SLCO4C1: variants seen among roughly 807,000 people sequenced by gnomAD.
SLCO4C1 encodes organic anion transporter M1.
SLCO4C1 carries 58 observed loss-of-function variants against 72.1 expected under a neutral mutation model. The ratio of observed to expected loss-of-function variants is 0.80; its 90% CI spans 0.65 to 1.00. The LOEUF (loss-of-function observed/expected upper bound fraction) is 1.00, where lower values mean the gene tolerates loss of function less well. Among genes scored for constraint, SLCO4C1 ranks in the 50% least tolerant of loss-of-function variants. The probability of loss-of-function intolerance (pLI) is 0.00; values close to 1 mark genes in which losing one functional copy is unlikely to be tolerated. For missense variants in SLCO4C1, 898 were observed against 857.9 expected, an observed-to-expected ratio of 1.05 and a Z score of -0.58; for synonymous variants, 297 against 312.5, an observed-to-expected ratio of 0.95 and a Z score of 0.52.
intron 12 of SLCO4C1, among the ~76,000 whole-genome samples, chr5:102,237,525 T>C (rs1464992691): frequency 6.6e-6 from 1 of 151,954 alleles, no homozygotes; most frequent in African/African-American, 2.4e-5. Context: ...CGTGAGAGGA[T>C]CGCTTCACCC....
chr5:102,236,945 G>A lies in SLCO4C1; in HGVS notation c.2088C>T (p.Ala696=). Residue 696 remains alanine, a synonymous_variant, in exon 13 of 13, where the codon GCC becomes GCT. Transcript: ENST00000310954. ...TCTCTTTATGAAATGACACATCTGT[G>A]GCTGATGGAGGTGGTTTATACAAAA... The part of the protein sequence containing the change: ...AIFLYKPPPS[A]TDVSFHKENA... 6.2e-7 allele frequency: 1 copy of A among 1,612,580 alleles called. No homozygotes were observed. Among genetic ancestry groups the A allele is most frequent in the South Asian group, 1.1e-5 (1 of 90,876 alleles).
rs7713888 is a variant in SLCO4C1, at chr5:102,257,403, T to G, written c.1274-93A>C. 4.1e-6 allele frequency: 4 copies of G among 968,516 alleles called. No individual in the cohort carries two copies. In the African/African-American group the frequency reaches 6.8e-5, roughly 16 times the overall value. The allele number at this position is 968,516 out of a possible 1,614,324, so 60.0% of individuals were successfully genotyped here. ...AAAACATCAAAAACAAGTGTCAATATGGTTTTAACTTATATTTATTCACCT... is the reference window on the plus strand; with the variant it reads ...AAAACATCAAAAACAAGTGTCAATAGGGTTTTAACTTATATTTATTCACCT... On this transcript the variant is annotated intron_variant, in intron 7 of 12. Coordinates refer to ENST00000310954, the MANE Select transcript of SLCO4C1 (RefSeq NM_180991.5).
chr5:102,264,672 G>A (rs1373171830), intron 3 of SLCO4C1, among the ~76,000 whole-genome samples: 1 of 150,420 alleles, frequency 6.6e-6, no homozygotes, highest in Non-Finnish European at 1.5e-5. Flanking sequence ...TATACAATGA[G>A]TAATGGTTAA....
intron 3 of SLCO4C1, among the ~76,000 whole-genome samples, chr5:102,266,801 C>T (rs1580255188): frequency 6.6e-6 from 1 of 152,008 alleles, no homozygotes; most frequent in African/African-American, 2.4e-5. Flanking sequence ...ATGTACGTTC[C>T]TTTTATACCT....
intron 3 of SLCO4C1, among the ~76,000 whole-genome samples, chr5:102,270,045 T>C (rs1240045700): frequency 6.6e-6 from 1 of 151,930 alleles, no homozygotes; most frequent in South Asian, 2.1e-4. Flanking sequence ...TGGTAATGAA[T>C]CTCCTATGTT....
intron 6 of SLCO4C1, 34 bp from the exon 7 acceptor site, chr5:102,258,121 G>T: frequency 6.7e-7 from 1 of 1,495,030 alleles, no homozygotes; most frequent in Non-Finnish European, 8.9e-7. Context: ...CAAATGAATA[G>T]CTATGATTGT....
chr5:102,296,050 G>A lies in SLCO4C1; in HGVS notation c.213C>T (p.Ser71=), dbSNP rs2112412085. 1 of 1,614,216 alleles carries A rather than the reference G, an allele frequency of 6.2e-7. No homozygotes were observed. The highest frequency in any genetic ancestry group is 8.5e-7 in the Non-Finnish European group (1 of 1,180,046). The change falls in exon 1 of 13, where the codon TCC becomes TCT. Residue 71 remains serine, a synonymous_variant. Coordinates refer to ENST00000310954, the MANE Select transcript of SLCO4C1 (RefSeq NM_180991.5). ...GCGACAGTGACCGGAGCTTCTCTTC[G>A]GAGACATTGGGAGGGGCTGAAGGCA... ...PSLPSAPPNV[S]EEKLRSLSLS... is the part of the protein sequence containing the mutation.
At chr5:102,275,407 T>C (rs1749230637) in intron 2 of SLCO4C1, among the ~76,000 whole-genome samples, 1 of 152,124 alleles carries the variant, frequency 6.6e-6, no homozygotes, top group Non-Finnish European at 1.5e-5. Context: ...GAAAGAAAAC[T>C]AAAATCATAG....
chr5:102,234,712 G>A lies in SLCO4C1; in HGVS notation c.*2146C>T, dbSNP rs1580231583. 6.6e-6 allele frequency: 1 copy of A among 152,136 alleles called. No homozygotes were observed. The highest frequency in any genetic ancestry group is 1.9e-4 in the East Asian group (1 of 5,184). The allele number at this position is 152,136 out of a possible 1,614,324, so 9.4% of individuals were successfully genotyped here. A position where few individuals can be genotyped will look rare whatever the true frequency, so the allele number is the denominator to read the frequency against. On this transcript the variant is annotated 3_prime_UTR_variant, in exon 13 of 13. Coordinates refer to ENST00000310954, the MANE Select transcript of SLCO4C1 (RefSeq NM_180991.5). ...TGCCATTTCACATCTCCATCAGTGA[G>A]TTCCTCAGGATTTGCCTTTATGTTA... is the stretch of plus-strand genomic sequence containing the variant.
chr5:102,258,085 ATTCT>A lies in SLCO4C1; in HGVS notation c.1129-2_1130del, dbSNP rs1328813047. On this transcript the variant is annotated splice_acceptor_variant and coding_sequence_variant, in exon 7 of 13. Transcript: ENST00000310954. LOFTEE classifies it high-confidence loss of function. ...ACATAAAGACAGCATTCTTCATCAAATTCTAAAGAAAAAAATACAGTTCCTCAAA... is the reference window on the plus strand; with the variant it reads ...ACATAAAGACAGCATTCTTCATCAAAAAAGAAAAAAATACAGTTCCTCAAA... The A allele has an allele frequency of 4.5e-6, 7 of 1,539,460 alleles. No individual in the cohort carries two copies. In the Admixed American group the frequency reaches 6.8e-5, roughly 15 times the overall value.
chr5:102,280,176 C>T (rs530697316), intron 2 of SLCO4C1, among the ~76,000 whole-genome samples: 1 of 147,376 alleles, frequency 6.8e-6, no homozygotes, highest in Non-Finnish European at 1.5e-5. Flanking sequence ...TTCCTATGTG[C>T]AGAAAACATG....
At chr5:102,245,502 A>G (rs972283724) in intron 10 of SLCO4C1, among the ~76,000 whole-genome samples, 19 of 152,118 alleles carry the variant, frequency 1.2e-4, no homozygotes, top group African/African-American at 4.1e-4. Flanking sequence ...AACAATTTTA[A>G]ATATATATGT....
chr5:102,265,392 C>A (rs1174190247), intron 3 of SLCO4C1, among the ~76,000 whole-genome samples: 2 of 152,094 alleles, frequency 1.3e-5, no homozygotes, highest in Non-Finnish European at 2.9e-5. Flanking sequence ...TAATCTTTGC[C>A]TGGAACAATG....
At chr5:102,274,055 CACG>C (rs753996292) in intron 2 of SLCO4C1, among the ~76,000 whole-genome samples, 6 of 152,034 alleles carry the variant, frequency 3.9e-5, no homozygotes, top group Non-Finnish European at 7.4e-5. Flanking sequence ...ATAGCATTTA[CACG>C]ACATTAGCTA....
At position 102,249,848 on chromosome 5, in the gene SLCO4C1, C is replaced by A. The variant is rs946655734; in HGVS notation, c.1470-60G>T. The A allele has an allele frequency of 1.5e-5, 23 of 1,541,706 alleles. No individual in the cohort carries two copies. The Admixed American group carries it at 2.2e-4, about 15-fold the overall frequency. ...TGTCATAACTTTTAACTAACAATTTCGAAGCACTGTTATATCTTACCATTA... is the reference window on the plus strand; with the variant it reads ...TGTCATAACTTTTAACTAACAATTTAGAAGCACTGTTATATCTTACCATTA... On this transcript the variant is annotated intron_variant, in intron 8 of 12. Transcript: ENST00000310954.
intron 12 of SLCO4C1, among the ~76,000 whole-genome samples, chr5:102,238,876 T>C (rs1401889346): frequency 6.6e-6 from 1 of 152,170 alleles, no homozygotes; most frequent in African/African-American, 2.4e-5. Flanking sequence ...GCCTGAGCCA[T>C]ATGTGTTTGC....
chr5:102,242,645 C>T (rs1343269737), intron 10 of SLCO4C1, among the ~76,000 whole-genome samples: 1 of 151,998 alleles, frequency 6.6e-6, no homozygotes, highest in African/African-American at 2.4e-5. Context: ...GTCCTGACAG[C>T]GTTCATATAC....
chr5:102,289,742 T>A (rs943369398), intron 2 of SLCO4C1, among the ~76,000 whole-genome samples: 3 of 152,224 alleles, frequency 2.0e-5, no homozygotes, highest in Non-Finnish European at 4.4e-5. Context: ...CTAGAATCTA[T>A]GTAAGTGCTC....
chr5:102,237,274 T>G (rs185250148), intron 12 of SLCO4C1, among the ~76,000 whole-genome samples: 54 of 152,246 alleles, frequency 3.5e-4, no homozygotes, highest in African/African-American at 1.3e-3. Context: ...GCTTGTGCAT[T>G]CTTGTAAAAT....
Sources: gnomAD v4.1 joint callset for allele counts (sites outside exome capture counted in the v4.1 genomes callset) on GRCh38, gnomAD v4.1.1 for gene constraint, MANE v1.5 for transcripts, NCBI Gene and HGNC (gene_info 2026-07-23, HGNC 2026-07-21) for gene names.